Variants in FGGY observed in about 807,000 individuals in gnomAD.
The protein encoded by FGGY is FGGY carbohydrate kinase domain containing, also known as FGGY carbohydrate kinase domain-containing protein.
A neutral mutation model predicts 71.3 loss-of-function variants in FGGY; 72 were observed. The ratio of observed to expected loss-of-function variants is 1.01; its 90% CI spans 0.84 to 1.23. The LOEUF (loss-of-function observed/expected upper bound fraction) is 1.23. Among genes scored for constraint, FGGY ranks in the 50% most tolerant of loss-of-function variants. The pLI is 0.00. For synonymous variants in FGGY, 251 were observed against 250.3 expected (o/e 1.00, Z -0.02); for missense variants, 668 against 682.3 (o/e 0.98, Z 0.23).
Position 59,475,164 on chromosome 1 carries a change from T to C in FGGY, c.670+18088T>C, listed in dbSNP as rs1283699202. On this transcript the variant is annotated intron_variant, in intron 6 of 15. Transcript: ENST00000303721. Reference sequence around the variant, plus strand: ...TTTCCTTTTTTCTGAGCTTCTTCCTTGGATTCACACAACCTTTTTCCAACC... The same window carrying C: ...TTTCCTTTTTTCTGAGCTTCTTCCTCGGATTCACACAACCTTTTTCCAACC... Among the ~76,000 whole-genome samples, 6 of 152,310 alleles carry C rather than the reference T, an allele frequency of 3.9e-5. No homozygotes were observed. The East Asian group carries it at 7.7e-4, about 20-fold the overall frequency.
At chr1:59,546,519 TGATGATGATGATG>T (rs770565588) in intron 7 of FGGY, among the ~76,000 whole-genome samples, 18 of 146,000 alleles carry the variant, frequency 1.2e-4, no homozygotes, top group Admixed American at 4.8e-4. Context: ...ATGATGATGA[TGATGATGATGATG>T]ATGATTATTA....
chr1:59,425,024 A>G (rs896325641), intron 5 of FGGY, among the ~76,000 whole-genome samples: 4 of 152,238 alleles, frequency 2.6e-5, no homozygotes, highest in Non-Finnish European at 4.4e-5. Context: ...CTTATCTGCT[A>G]TGTGATCTTG....
rs572376450 is a variant in FGGY, at chr1:59,684,600, A to T, written c.1512+10467A>T. Among the ~76,000 whole-genome samples, 6 of 152,296 alleles carry T rather than the reference A, an allele frequency of 3.9e-5. No homozygotes were observed. In the East Asian group the frequency reaches 1.2e-3, roughly 29 times the overall value. On this transcript the variant is annotated intron_variant, in intron 14 of 15. Transcript: ENST00000303721. The stretch of plus-strand genomic sequence containing the variant: ...AGTAAATATTAGTAATAACATCTGG[A>T]TCCTCAGTCTCATGATATGTTAGCA...
chr1:59,673,773 A>T, intron 13 of FGGY: 1 of 364,652 alleles, frequency 2.7e-6, no homozygotes, highest in Non-Finnish European at 5.2e-6. Flanking sequence ...CAGAAGCCTG[A>T]AAAACCTGGG....
chr1:59,489,156 A>G (rs190875695), intron 6 of FGGY, among the ~76,000 whole-genome samples: 21 of 152,310 alleles, frequency 1.4e-4, no homozygotes, highest in Admixed American at 1.3e-3. Flanking sequence ...CACAGTACAT[A>G]TAATGTGTAG....
At chr1:59,351,168 A>T (rs1408333500) in intron 4 of FGGY, among the ~76,000 whole-genome samples, 1 of 152,242 alleles carries the variant, frequency 6.6e-6, no homozygotes, top group Admixed American at 6.5e-5. Context: ...TGTGTTGTTT[A>T]TGTCTGTTTT....
At chr1:59,409,863 G>A (rs1039640105) in intron 5 of FGGY, among the ~76,000 whole-genome samples, 3 of 152,134 alleles carry the variant, frequency 2.0e-5, no homozygotes, top group Non-Finnish European at 2.9e-5. Context: ...TATGCAATAT[G>A]CATCTATGTA....
At chr1:59,466,382 G>C (rs2092628974) in intron 6 of FGGY, among the ~76,000 whole-genome samples, 2 of 151,996 alleles carry the variant, frequency 1.3e-5, no homozygotes, top group African/African-American at 2.4e-5. Context: ...TTAAATGTTA[G>C]ACCTAAAACC....
chr1:59,354,225 A>T (rs1334299050), intron 4 of FGGY, among the ~76,000 whole-genome samples: 1 of 152,088 alleles, frequency 6.6e-6, no homozygotes, highest in African/African-American at 2.4e-5. Context: ...CTACAGGCAC[A>T]CACCACCATG....
chr1:59,380,578 G>C, intron 5 of FGGY, among the ~76,000 whole-genome samples: 1 of 151,590 alleles, frequency 6.6e-6, no homozygotes, highest in East Asian at 1.9e-4. Flanking sequence ...GTGTCTTCTG[G>C]CTGCATAAAT....
chr1:59,388,363 T>G lies in FGGY; in HGVS notation c.554+9526T>G, dbSNP rs535767619. 1.6e-4 allele frequency among the ~76,000 whole-genome samples: 24 copies of G among 152,300 alleles called. 1 individual carries two copies. In the South Asian group the frequency reaches 4.4e-3, roughly 28 times the overall value. On this transcript the variant is annotated intron_variant, in intron 5 of 15. Coordinates refer to ENST00000303721, the MANE Select transcript of FGGY (RefSeq NM_018291.5). Reference sequence around the variant, plus strand: ...TGTGGCTTAATCTATTCCAGTCTCTTAATGATTACATGAATTTCCCTTACC... The same window carrying G: ...TGTGGCTTAATCTATTCCAGTCTCTGAATGATTACATGAATTTCCCTTACC...
intron 8 of FGGY, among the ~76,000 whole-genome samples, chr1:59,569,593 C>T (rs190653099): frequency 5.9e-5 from 9 of 152,230 alleles, no homozygotes; most frequent in East Asian, 5.8e-4. Flanking sequence ...GTGGGTCCCA[C>T]GAACAAAGAT....
rs186177823 is a variant in FGGY at position 59,447,873 on chromosome 1, T to A, written c.555-9088T>A. Among the ~76,000 whole-genome samples the A allele has an allele frequency of 8.6e-4, 131 of 152,310 alleles. 1 individual carries two copies. Among genetic ancestry groups the A allele is most frequent in the Non-Finnish European group, 1.6e-3 (111 of 68,018 alleles). ...GCAGTGTGAAAATGGACTAATACATTGGACCTTAGTACTTTTCTTCCGTAG... is the reference window on the plus strand; with the variant it reads ...GCAGTGTGAAAATGGACTAATACATAGGACCTTAGTACTTTTCTTCCGTAG... On this transcript the variant is annotated intron_variant, in intron 5 of 15. Transcript: ENST00000303721.
In FGGY at chr1:59,674,025, C is replaced by G. The variant is rs993184671; in HGVS notation, c.1418-14C>G. The G allele has an allele frequency of 2.5e-6, 4 of 1,611,552 alleles. No individual in the cohort carries two copies. The highest frequency in any genetic ancestry group is 3.4e-6 in the Non-Finnish European group (4 of 1,178,796). On this transcript the variant is annotated splice_polypyrimidine_tract_variant and intron_variant, in intron 13 of 15. Coordinates refer to ENST00000303721, the MANE Select transcript of FGGY (RefSeq NM_018291.5). ...CTCTGCTCCCTAACCAAGGTGTGGC[C>G]TTGTCCTGCGCAGGCATGCCTGTGG...
intron 2 of FGGY, among the ~76,000 whole-genome samples, chr1:59,333,750 G>A (rs1306453464): frequency 3.3e-5 from 5 of 152,208 alleles, no homozygotes; most frequent in African/African-American, 1.2e-4. Flanking sequence ...GCAGAGCTAG[G>A]ATTTGAATTC....
chr1:59,383,874 C>G (rs1266631271), intron 5 of FGGY, among the ~76,000 whole-genome samples: 1 of 152,116 alleles, frequency 6.6e-6, no homozygotes, highest in Admixed American at 6.5e-5. Flanking sequence ...TCGTGTCTCC[C>G]TAAAATGTAT....
At position 59,665,898 on chromosome 1, in the gene FGGY, C is replaced by T. The variant is rs778371386; in HGVS notation, c.1297-1385C>T. ...CCATATTAGCCAGGATGGTCCCGAT[C>T]TCCTGACCTCATGATCCGCCCGCCT... On this transcript the variant is annotated intron_variant, in intron 12 of 15. Coordinates refer to ENST00000303721, the MANE Select transcript of FGGY (RefSeq NM_018291.5). Among the ~76,000 whole-genome samples, 65 of 152,162 alleles carry T rather than the reference C, an allele frequency of 4.3e-4. 1 individual carries two copies. The highest frequency in any genetic ancestry group is 1.2e-3 in the South Asian group (6 of 4,830).
intron 11 of FGGY, among the ~76,000 whole-genome samples, chr1:59,650,288 G>C (rs1467576117): frequency 1.4e-5 from 2 of 142,434 alleles, no homozygotes; most frequent in Non-Finnish European, 3.0e-5. Context: ...GGAGGATTCC[G>C]TCTTTTCTAT....
In FGGY at chr1:59,631,004, G is replaced by A. The variant is rs532434231; in HGVS notation, c.1073+4955G>A. The stretch of plus-strand genomic sequence containing the variant: ...TCTGTCACCATCAGCCCCCTGAAAC[G>A]TTTCATATTAAGGTTATCAGTGACC... On this transcript the variant is annotated intron_variant, in intron 10 of 15. Transcript: ENST00000303721. 2.6e-5 allele frequency among the ~76,000 whole-genome samples: 4 copies of A among 152,212 alleles called. No homozygotes were observed. The East Asian group carries it at 5.8e-4, about 22-fold the overall frequency.
Sources: allele counts gnomAD v4.1 joint callset (sites outside exome capture counted in the v4.1 genomes callset), GRCh38; gene constraint gnomAD v4.1.1; transcripts MANE v1.5; gene names NCBI Gene and HGNC (gene_info 2026-07-23, HGNC 2026-07-21).